DENND4A: variants seen among roughly 807,000 people sequenced by gnomAD.
DENND4A encodes C-myc promoter-binding protein.
Under a neutral mutation model 199.3 loss-of-function variants are expected in DENND4A, and 70 were observed. The observed-to-expected ratio is 0.35, with a 90% CI of 0.29 to 0.43. The LOEUF (loss-of-function observed/expected upper bound fraction) is 0.43. Among genes scored for constraint, DENND4A ranks in the 20% least tolerant of loss-of-function variants. DENND4A has a pLI of 1.00. For missense variants in DENND4A, 1,723 were observed against 2,255.8 expected (o/e 0.76, Z 4.78); for synonymous variants, 686 against 766.9 (o/e 0.89, Z 1.74).
At chr15:65,693,151 C>A (rs1257195907) in intron 22 of DENND4A, among the ~76,000 whole-genome samples, 2 of 152,176 alleles carry the variant, frequency 1.3e-5, no homozygotes, top group East Asian at 3.8e-4. Context: ...GCCTCTAACA[C>A]AAAGACTGCA....
At chr15:65,662,358 T>C (rs1163608998) in intron 32 of DENND4A, among the ~76,000 whole-genome samples, 1 of 152,252 alleles carries the variant, frequency 6.6e-6, no homozygotes, top group Non-Finnish European at 1.5e-5. Context: ...GGTTTCATTT[T>C]TTAAATTTAA....
rs535848006 is a variant in DENND4A, at chr15:65,744,161, T to C, written c.562-2377A>G. 4.0e-5 allele frequency among the ~76,000 whole-genome samples: 6 copies of C among 151,676 alleles called. No homozygotes were observed. In the East Asian group the frequency reaches 1.2e-3, roughly 29 times the overall value. ...TCAGATTCTGGGTATATTCTGAAAATACAGACAAAAAAAAATCCTATCTGA... is the reference window on the plus strand; with the variant it reads ...TCAGATTCTGGGTATATTCTGAAAACACAGACAAAAAAAAATCCTATCTGA... On this transcript the variant is annotated intron_variant, in intron 4 of 32. Transcript: ENST00000443035.
At chr15:65,703,889 T>G (rs1407449791) in intron 15 of DENND4A, among the ~76,000 whole-genome samples, 1 of 152,170 alleles carries the variant, frequency 6.6e-6, no homozygotes, top group African/African-American at 2.4e-5. Context: ...AAAGATATGC[T>G]GAAAGAAACC....
chr15:65,663,180 A>G (rs574888341), intron 32 of DENND4A, among the ~76,000 whole-genome samples: 103 of 119,472 alleles, frequency 8.6e-4, no homozygotes, highest in South Asian at 7.4e-3. Context: ...GTGTGTGTAT[A>G]TATATATATA....
chr15:65,787,163 A>C (rs2077587246), intron 1 of DENND4A, among the ~76,000 whole-genome samples: 1 of 152,178 alleles, frequency 6.6e-6, no homozygotes, highest in Non-Finnish European at 1.5e-5. Context: ...CATCTACAAA[A>C]CAATATTACA....
At chr15:65,748,840 G>C (rs2140563266) in intron 4 of DENND4A, among the ~76,000 whole-genome samples, 1 of 151,514 alleles carries the variant, frequency 6.6e-6, no homozygotes, top group Admixed American at 6.6e-5. Context: ...TTAAAAATTA[G>C]CCAGATGTGG....
intron 1 of DENND4A, among the ~76,000 whole-genome samples, chr15:65,788,225 T>C (rs887761587): frequency 2.0e-5 from 3 of 151,970 alleles, no homozygotes; most frequent in African/African-American, 2.4e-5. Context: ...TACAGGCGCC[T>C]GCCACCACGC....
intron 3 of DENND4A, among the ~76,000 whole-genome samples, chr15:65,753,684 G>A (rs546902755): frequency 6.6e-6 from 1 of 152,002 alleles, no homozygotes; most frequent in East Asian, 1.9e-4. Context: ...TTCTGCATTT[G>A]CTATAAAGCT....
chr15:65,737,965 T>C lies in DENND4A; in HGVS notation c.802-20A>G. 6.5e-7 allele frequency: 1 copy of C among 1,550,200 alleles called. No individual in the cohort carries two copies. The highest frequency in any genetic ancestry group is 8.7e-7 in the Non-Finnish European group (1 of 1,145,426). ...ATAAACCTGCAAAACAAGTAATATA[T>C]CCAGTAAATATACTTTGTATCATAT... On this transcript the variant is annotated intron_variant, in intron 6 of 32. Transcript: ENST00000443035.
chr15:65,691,659 ACTTAT>A, intron 22 of DENND4A, 148 bp from the exon 23 acceptor site: 1 of 825,642 alleles, frequency 1.2e-6, no homozygotes, highest in Non-Finnish European at 1.8e-6. Flanking sequence ...TAAACACTTT[ACTTAT>A]ATTTCCTACT....
intron 5 of DENND4A, 69 bp from the exon 6 acceptor site, chr15:65,738,944 T>G: frequency 8.3e-7 from 1 of 1,203,460 alleles, no homozygotes; most frequent in South Asian, 1.8e-5. Context: ...TCAATGATGA[T>G]AAAATGCTTT....
chr15:65,669,222 T>C (rs1219022945), intron 27 of DENND4A, among the ~76,000 whole-genome samples: 1 of 152,246 alleles, frequency 6.6e-6, no homozygotes, highest in African/African-American at 2.4e-5. Flanking sequence ...CACATGCAGC[T>C]ACCAATATGG....
At chr15:65,752,189 GAAAGTACAACC>G (rs1293417878) in intron 4 of DENND4A, among the ~76,000 whole-genome samples, 179 bp downstream of exon 4, 2 of 126,402 alleles carry the variant, frequency 1.6e-5, no homozygotes, top group African/African-American at 3.0e-5. Flanking sequence ...AGTTTCTTTT[GAAAGTACAACC>G]AAAGTACTTT....
intron 1 of DENND4A, among the ~76,000 whole-genome samples, chr15:65,772,688 C>G (rs1374130872): frequency 2.2e-5 from 1 of 44,974 alleles, no homozygotes; most frequent in Non-Finnish European, 3.9e-5. Context: ...GCCTGGGCAA[C>G]AAAATGAGAC....
rs1399841177 is a variant in DENND4A, at chr15:65,738,755, G to A, written c.752C>T (p.Pro251Leu). Residue 251 changes from proline to leucine, a missense_variant, in exon 6 of 33, where the codon CCT (proline) becomes CTT (leucine). Pro to Leu is a moderately conservative substitution (Grantham distance 98). Transcript: ENST00000443035. ...IECWPSNSKYPLPVFSTFVLT... is the reference protein window; with the variant it reads ...IECWPSNSKYLLPVFSTFVLT... ...AACAAAAGTAGAAAATACAGGCAGA[G>A]GGTATTTGCTATTTGATGGCCAACA... 6.2e-6 allele frequency: 10 copies of A among 1,612,618 alleles called. No homozygotes were observed. In the East Asian group the frequency reaches 2.0e-4, roughly 32 times the overall value.
intron 12 of DENND4A, 36 bp downstream of exon 12, chr15:65,722,808 TCAGA>T (rs1411367950): frequency 1.4e-6 from 2 of 1,446,654 alleles, no homozygotes; most frequent in Admixed American, 2.4e-5. Context: ...AGTCCCTTTT[TCAGA>T]TTAAATTACC....
chr15:65,784,164 C>G (rs2077505477), intron 1 of DENND4A, among the ~76,000 whole-genome samples: 1 of 152,090 alleles, frequency 6.6e-6, no homozygotes, highest in Non-Finnish European at 1.5e-5. Context: ...AACTGAGGGA[C>G]ATTCTACAAA....
chr15:65,691,948 C>T, intron 22 of DENND4A, among the ~76,000 whole-genome samples: 1 of 147,620 alleles, frequency 6.8e-6, no homozygotes, highest in African/African-American at 2.5e-5. Context: ...CCTTGAGATT[C>T]TGAGTCTTCC....
intron 1 of DENND4A, among the ~76,000 whole-genome samples, chr15:65,790,312 T>C (rs1165767689): frequency 6.6e-6 from 1 of 152,154 alleles, no homozygotes; most frequent in African/African-American, 2.4e-5. Context: ...TCATATTGCT[T>C]CACCAATTTT....
Sources: allele counts gnomAD v4.1 joint callset (sites outside exome capture counted in the v4.1 genomes callset), GRCh38; gene constraint gnomAD v4.1.1; transcripts MANE v1.5; gene names NCBI Gene and HGNC (gene_info 2026-07-23, HGNC 2026-07-21).